Variants in EYS observed in about 807,000 individuals in gnomAD.
EYS encodes EGF-like photoreceptor maintenance factor.
EYS carries 250 observed loss-of-function variants against 282.1 expected under a neutral mutation model. The observed-to-expected ratio is 0.89, with a 90% CI of 0.80 to 0.98. EYS has a LOEUF of 0.98. Ranked by LOEUF, EYS falls within the 50% of genes least tolerant of loss-of-function variation. The pLI is 0.00. For synonymous variants in EYS, 1,355 were observed against 1,282.9 expected, an observed-to-expected ratio of 1.06 and a Z score of -1.20; for missense variants, 4,016 against 3,709.0, an observed-to-expected ratio of 1.08 and a Z score of -2.15.
intron 26 of EYS, among the ~76,000 whole-genome samples, chr6:64,584,154 T>C (rs1329763585): frequency 6.6e-6 from 1 of 151,982 alleles, no homozygotes; most frequent in Non-Finnish European, 1.5e-5. Context: ...CAAAAACATA[T>C]TTTGTTCTGA....
chr6:64,297,765 G>A (rs910257210), intron 30 of EYS, among the ~76,000 whole-genome samples: 1 of 152,078 alleles, frequency 6.6e-6, no homozygotes, highest in African/African-American at 2.4e-5. Context: ...ATCACCTGAG[G>A]TCAGGTGCTT....
intron 35 of EYS, among the ~76,000 whole-genome samples, chr6:63,941,324 T>A (rs1317855081): frequency 6.6e-6 from 1 of 152,176 alleles, no homozygotes; most frequent in Non-Finnish European, 1.5e-5. Flanking sequence ...TTCCTATTTC[T>A]CCACATCCTC....
chr6:65,191,582 T>C (rs1373656981), intron 12 of EYS, among the ~76,000 whole-genome samples: 1 of 151,844 alleles, frequency 6.6e-6, no homozygotes, highest in East Asian at 1.9e-4. Context: ...TTACATGAGA[T>C]GAAAAGCAAT....
At chr6:65,123,754 C>A (rs200860139) in intron 12 of EYS, among the ~76,000 whole-genome samples, 137 of 86,946 alleles carry the variant, frequency 1.6e-3, no homozygotes, top group African/African-American at 6.8e-3. Flanking sequence ...TAACACCCAC[C>A]CACCCACACA....
chr6:64,075,525 A>T (rs1260336936), intron 32 of EYS, among the ~76,000 whole-genome samples: 1 of 151,966 alleles, frequency 6.6e-6, no homozygotes, highest in Non-Finnish European at 1.5e-5. Context: ...CATTTGGGTG[A>T]AATGAATAAA....
intron 36 of EYS, among the ~76,000 whole-genome samples, chr6:63,846,780 C>T (rs2149700477): frequency 6.6e-6 from 1 of 152,316 alleles, no homozygotes; most frequent in Non-Finnish European, 1.5e-5. Flanking sequence ...TCAGGACCCA[C>T]ACACTATCTT....
chr6:63,837,621 G>A (rs542213730), intron 36 of EYS, among the ~76,000 whole-genome samples: 43 of 152,222 alleles, frequency 2.8e-4, no homozygotes, highest in African/African-American at 1.0e-3. Flanking sequence ...CACATATCCA[G>A]ATAAGTTTAC....
At chr6:64,299,349 C>G (rs1018915265) in intron 30 of EYS, among the ~76,000 whole-genome samples, 1 of 152,174 alleles carries the variant, frequency 6.6e-6, no homozygotes, top group Non-Finnish European at 1.5e-5. Context: ...AGTGTGCATG[C>G]GGCTGCTACA....
intron 33 of EYS, among the ~76,000 whole-genome samples, chr6:64,000,159 G>C (rs1768012532): frequency 9.0e-6 from 1 of 110,672 alleles, no homozygotes; most frequent in African/African-American, 3.4e-5. Flanking sequence ...AGTTTCCCAA[G>C]ACATGGGACT....
chr6:65,580,338 G>A (rs1764823268), intron 2 of EYS, among the ~76,000 whole-genome samples: 1 of 152,034 alleles, frequency 6.6e-6, no homozygotes, highest in African/African-American at 2.4e-5. Context: ...GATCAATAAA[G>A]TTACTAAAAA....
At chr6:63,746,651 T>C (rs911065281) in intron 41 of EYS, among the ~76,000 whole-genome samples, 2 of 152,216 alleles carry the variant, frequency 1.3e-5, no homozygotes, top group African/African-American at 2.4e-5. Context: ...GGTTTAGTCT[T>C]GGGAGGGTGT....
chr6:65,504,660 A>T (rs9345643), intron 2 of EYS, among the ~76,000 whole-genome samples: 57,075 of 151,246 alleles, frequency 0.38, 10,883 homozygotes, highest in Admixed American at 0.44. Context: ...AATTATAAAA[A>T]ATTTTTCCTT....
chr6:65,412,653 A>AT (rs929500234), intron 5 of EYS, among the ~76,000 whole-genome samples: 1 of 151,568 alleles, frequency 6.6e-6, no homozygotes, highest in Admixed American at 6.6e-5. Context: ...TTCTCCTTGT[A>AT]TTTTTTGTCT....
At chr6:65,051,056 A>G (rs1773254616) in intron 13 of EYS, among the ~76,000 whole-genome samples, 1 of 151,586 alleles carries the variant, frequency 6.6e-6, no homozygotes, top group African/African-American at 2.4e-5. Flanking sequence ...CTTTGCTCAA[A>G]CATTATTTTC....
intron 1 of EYS, among the ~76,000 whole-genome samples, chr6:65,643,680 AC>A (rs1470242586): frequency 2.0e-5 from 3 of 151,912 alleles, no homozygotes; most frequent in African/African-American, 7.3e-5. Context: ...AGTCCACCTC[AC>A]TCCCCTACTA....
chr6:65,460,004 ATAT>A (rs1764768780), intron 5 of EYS, among the ~76,000 whole-genome samples: 1 of 101,966 alleles, frequency 9.8e-6, no homozygotes, highest in Non-Finnish European at 2.0e-5. Context: ...ATATATATAT[ATAT>A]AATTTTATTG....
At chr6:64,849,354 T>C (rs1765812580) in intron 19 of EYS, among the ~76,000 whole-genome samples, 1 of 151,932 alleles carries the variant, frequency 6.6e-6, no homozygotes, top group Admixed American at 6.6e-5. Context: ...AAGTAGGTTT[T>C]ATTAGAATTA....
At chr6:64,917,264 A>T (rs954514584) in intron 15 of EYS, among the ~76,000 whole-genome samples, 2 of 147,714 alleles carry the variant, frequency 1.4e-5, no homozygotes, top group African/African-American at 2.5e-5. Context: ...AAAAAAAAAC[A>T]AAATTCACTA....
At chr6:65,634,856 A>G (rs1767032824) in intron 2 of EYS, among the ~76,000 whole-genome samples, 1 of 152,230 alleles carries the variant, frequency 6.6e-6, no homozygotes, top group South Asian at 2.1e-4. Context: ...TTCCTCTTCT[A>G]TAACTAAAAG....
Sources: gnomAD v4.1 joint callset for allele counts (sites outside exome capture counted in the v4.1 genomes callset) on GRCh38, gnomAD v4.1.1 for gene constraint, MANE v1.5 for transcripts, NCBI Gene and HGNC (gene_info 2026-07-23, HGNC 2026-07-21) for gene names.